Variants in XIRP2 observed in about 807,000 individuals in gnomAD.
XIRP2 encodes the protein xin actin-binding repeat-containing protein 2.
Under a neutral mutation model 277.0 loss-of-function variants are expected in XIRP2, and 236 were observed. The observed-to-expected ratio is 0.85, with a 90% CI of 0.77 to 0.95. The LOEUF (loss-of-function observed/expected upper bound fraction) is 0.95. Ranked by LOEUF, XIRP2 falls within the 40% of genes least tolerant of loss-of-function variation. The pLI, the probability that XIRP2 is intolerant of heterozygous loss-of-function variation, is 0.00. For synonymous variants in XIRP2, 1,490 were observed against 1,416.5 expected (o/e 1.05, Z -1.17); for missense variants, 4,640 against 4,157.5 (o/e 1.12, Z -3.19).
At chr2:167,009,818 A>G (rs2105467948) in intron 2 of XIRP2, among the ~76,000 whole-genome samples, 1 of 152,260 alleles carries the variant, frequency 6.6e-6, no homozygotes, top group African/African-American at 2.4e-5. Flanking sequence ...ATAGCCAGTG[A>G]CGGTGAGCAT....
At chr2:167,212,031 C>G (rs892912819) in intron 4 of XIRP2, among the ~76,000 whole-genome samples, 3 of 152,090 alleles carry the variant, frequency 2.0e-5, no homozygotes, top group African/African-American at 7.2e-5. Flanking sequence ...ACTTAACATG[C>G]TTCTTTACAA....
At position 166,936,829 on chromosome 2, in the gene XIRP2, T is replaced by C. The variant is rs557248342; in HGVS notation, c.408+32939T>C. ...TGGTTACTGTAGCCTTGTAGTATGG[T>C]TTGAAGTCAGGTAGCATGATGCCTC... On this transcript the variant is annotated intron_variant, in intron 2 of 10. Transcript: ENST00000409195. 9.2e-5 allele frequency among the ~76,000 whole-genome samples: 14 copies of C among 152,298 alleles called. No homozygotes were observed. The South Asian group carries it at 2.9e-3, about 32-fold the overall frequency.
At chr2:167,104,086 C>G (rs1386169952) in intron 2 of XIRP2, among the ~76,000 whole-genome samples, 1 of 152,062 alleles carries the variant, frequency 6.6e-6, no homozygotes, top group Non-Finnish European at 1.5e-5. Context: ...CTCTAGCACA[C>G]CAGTATGATA....
chr2:166,912,102 C>T (rs1250475454), intron 2 of XIRP2, among the ~76,000 whole-genome samples: 3 of 152,204 alleles, frequency 2.0e-5, no homozygotes, highest in Middle Eastern at 3.4e-3. Flanking sequence ...TTGCTCTTCT[C>T]GAGGAGTATC....
At chr2:166,907,047 C>A (rs547899473) in intron 2 of XIRP2, among the ~76,000 whole-genome samples, 4 of 152,128 alleles carry the variant, frequency 2.6e-5, no homozygotes, top group Non-Finnish European at 4.4e-5. Context: ...AATAGAAAAT[C>A]AGTGAGAAAT....
intron 2 of XIRP2, among the ~76,000 whole-genome samples, chr2:167,125,651 C>CA (rs1691180250): frequency 3.3e-5 from 5 of 152,168 alleles, no homozygotes; most frequent in Non-Finnish European, 7.3e-5. Context: ...TCTTTAAGGA[C>CA]TACATTTCCT....
intron 4 of XIRP2, among the ~76,000 whole-genome samples, chr2:167,211,644 A>G (rs1694051552): frequency 6.6e-6 from 1 of 152,150 alleles, no homozygotes; most frequent in Non-Finnish European, 1.5e-5. Flanking sequence ...TTGGTCTCAT[A>G]TATGGTTCAT....
chr2:167,229,173 T>G (rs185908889), intron 5 of XIRP2, among the ~76,000 whole-genome samples: 1 of 152,270 alleles, frequency 6.6e-6, no homozygotes, highest in East Asian at 1.9e-4. Context: ...GAATTTTATA[T>G]TTTCTTTGAT....
At position 167,248,497 on chromosome 2, in the gene XIRP2, C is replaced by G; in HGVS notation, c.7105C>G (p.Pro2369Ala). The change falls in exon 9 of 11, where the codon CCT becomes GCT. Residue 2369 changes from proline to alanine, a missense_variant. Coordinates refer to ENST00000409195, the MANE Select transcript of XIRP2 (RefSeq NM_152381.6). Reference sequence around the variant, plus strand: ...ATCGATGTTTCTGCCGCCTCCTCCTCCTCCAACTCCATCTCAAAAGCCAGC... The same window carrying G: ...ATCGATGTTTCTGCCGCCTCCTCCTGCTCCAACTCCATCTCAAAAGCCAGC... ...SSSMFLPPPP[P>A]PTPSQKPAHL... 6.2e-7 allele frequency: 1 copy of G among 1,613,768 alleles called. No homozygotes were observed. The highest frequency in any genetic ancestry group is 8.5e-7 in the Non-Finnish European group (1 of 1,179,838).
intron 2 of XIRP2, among the ~76,000 whole-genome samples, chr2:166,942,552 T>A (rs1187980727): frequency 6.6e-6 from 1 of 152,220 alleles, no homozygotes; most frequent in Non-Finnish European, 1.5e-5. Flanking sequence ...CTGTATGTTA[T>A]GCTCCTTCCA....
intron 3 of XIRP2, among the ~76,000 whole-genome samples, chr2:167,164,178 C>T (rs1343496444): frequency 1.3e-5 from 2 of 152,066 alleles, no homozygotes. Flanking sequence ...CAGCGGCTCA[C>T]GCCTGTAATC....
intron 2 of XIRP2, among the ~76,000 whole-genome samples, chr2:167,021,305 C>G (rs1687974052): frequency 6.6e-6 from 1 of 152,010 alleles, no homozygotes; most frequent in Admixed American, 6.6e-5. Context: ...GTTCCTTTGT[C>G]AATAACTTCT....
rs775128253 is a variant in XIRP2 at position 167,239,851 on chromosome 2, TC to T, written c.859-3del. On this transcript the variant is annotated splice_region_variant and splice_polypyrimidine_tract_variant and intron_variant, in intron 5 of 10. Transcript: ENST00000409195. ...GCATTGTCTGTCTGTCTGTGTGCTT[TC>T]AGGAGGCAATTCATAGCAGCCAGGT... 1.2e-6 allele frequency: 2 copies of T among 1,600,840 alleles called. No homozygotes were observed. The highest frequency in any genetic ancestry group is 4.5e-5 in the East Asian group (2 of 44,104).
intron 2 of XIRP2, among the ~76,000 whole-genome samples, chr2:166,915,000 A>T (rs1252748000): frequency 2.6e-5 from 4 of 151,968 alleles, no homozygotes; most frequent in Admixed American, 6.6e-5. Context: ...TTTGTTTTTT[A>T]AAAAAAGACA....
chr2:166,925,672 T>C (rs548185143), intron 2 of XIRP2, among the ~76,000 whole-genome samples: 3 of 148,520 alleles, frequency 2.0e-5, no homozygotes, highest in East Asian at 2.0e-4. Flanking sequence ...ACTATTCTCA[T>C]AGGGAAAGAT....
intron 2 of XIRP2, among the ~76,000 whole-genome samples, chr2:166,932,285 C>T (rs934651328): frequency 7.9e-5 from 12 of 151,618 alleles, no homozygotes; most frequent in African/African-American, 2.9e-4. Flanking sequence ...GACTCAATCA[C>T]AGCTCACTGC....
At chr2:166,913,320 C>CG (rs1553469505) in intron 2 of XIRP2, among the ~76,000 whole-genome samples, 4 of 151,276 alleles carry the variant, frequency 2.6e-5, no homozygotes, top group Non-Finnish European at 5.9e-5. Flanking sequence ...ACCCCCCCCC[C>CG]CCAGCCTCGC....
At chr2:167,240,062 A>G (rs1391868852) in intron 6 of XIRP2, 97 bp downstream of exon 6, 3 of 1,035,084 alleles carry the variant, frequency 2.9e-6, no homozygotes, top group East Asian at 2.8e-5. Flanking sequence ...TCACTCATGT[A>G]TCTAGTATCA....
At chr2:166,943,322 C>T (rs1393898237) in intron 2 of XIRP2, among the ~76,000 whole-genome samples, 3 of 152,028 alleles carry the variant, frequency 2.0e-5, no homozygotes, top group Admixed American at 6.6e-5. Context: ...ACAAGATAGC[C>T]AAAGCATTGA....
Sources: allele counts gnomAD v4.1 joint callset (sites outside exome capture counted in the v4.1 genomes callset), GRCh38; gene constraint gnomAD v4.1.1; transcripts MANE v1.5; gene names NCBI Gene and HGNC (gene_info 2026-07-23, HGNC 2026-07-21).